The following DOCK7 variants were observed in gnomAD, a reference collection of about 807,000 sequenced individuals.
DOCK7 encodes the protein dedicator of cytokinesis protein 7.
A neutral mutation model predicts 271.0 loss-of-function variants in DOCK7; 138 were observed. The ratio of observed to expected loss-of-function variants is 0.51; its 90% CI spans 0.44 to 0.59. The LOEUF is 0.59. DOCK7 is among the 20% of genes least tolerant of loss of function. The probability of loss-of-function intolerance (pLI) is 0.00; values close to 1 mark genes in which losing one functional copy is unlikely to be tolerated. For synonymous variants in DOCK7, 823 were observed against 876.1 expected (o/e 0.94, Z 1.07); for missense variants, 2,066 against 2,592.4 (o/e 0.80, Z 4.41).
In DOCK7 at chr1:62,495,745, G is replaced by C. The variant is rs1027680130; in HGVS notation, c.4924-64C>G. 8 of 1,275,504 alleles carry C rather than the reference G, an allele frequency of 6.3e-6. No individual in the cohort carries two copies. In the African/African-American group the frequency reaches 1.2e-4, roughly 20 times the overall value. The allele number at this position is 1,275,504 out of a possible 1,614,324, so 79.0% of individuals were successfully genotyped here. A position where few individuals can be genotyped will look rare whatever the true frequency, so the allele number is the denominator to read the frequency against. On this transcript the variant is annotated intron_variant, in intron 38 of 49. Transcript: ENST00000635253. ...TCATTCATCCATAATCACCAAATTA[G>C]TTTCAGAGATATTTCAGATAAATAT...
At chr1:62,503,288 GA>G (rs1264410709) in intron 37 of DOCK7, among the ~76,000 whole-genome samples, 1 of 151,536 alleles carries the variant, frequency 6.6e-6, no homozygotes, top group East Asian at 1.9e-4. Flanking sequence ...TCTGAAAACA[GA>G]ACTACTTCCT....
At chr1:62,685,109 G>A (rs1661581554) in intron 1 of DOCK7, among the ~76,000 whole-genome samples, 1 of 152,192 alleles carries the variant, frequency 6.6e-6, no homozygotes, top group African/African-American at 2.4e-5. Flanking sequence ...GTAAAAAACA[G>A]TTGATACTTA....
chr1:62,561,380 T>C (rs1043347134), intron 19 of DOCK7, among the ~76,000 whole-genome samples: 3 of 152,160 alleles, frequency 2.0e-5, no homozygotes, highest in Non-Finnish European at 4.4e-5. Context: ...AGAAAAAACA[T>C]GAAGTCAATG....
chr1:62,681,616 C>T (rs1301093901), intron 1 of DOCK7, among the ~76,000 whole-genome samples: 1 of 150,936 alleles, frequency 6.6e-6, no homozygotes, highest in East Asian at 1.9e-4. Flanking sequence ...GTGGCTATAC[C>T]CTAGAGAAAC....
chr1:62,675,597 G>A lies in DOCK7; in HGVS notation c.39-12467C>T, dbSNP rs368467732. Among the ~76,000 whole-genome samples the A allele has an allele frequency of 3.2e-3, 488 of 152,066 alleles. 3 individuals carry two copies. The highest frequency in any genetic ancestry group is 0.011 in the African/African-American group (467 of 41,470). On this transcript the variant is annotated intron_variant, in intron 1 of 49. Transcript: ENST00000635253. Reference sequence around the variant, plus strand: ...GGAGATCAGGACCATCCTGGCTAATGTGGTGAAACCCCGTCTCTACTAAAA... The same window carrying A: ...GGAGATCAGGACCATCCTGGCTAATATGGTGAAACCCCGTCTCTACTAAAA...
intron 11 of DOCK7, among the ~76,000 whole-genome samples, chr1:62,630,950 C>T (rs1404382021): frequency 2.0e-5 from 3 of 151,882 alleles, no homozygotes; most frequent in Admixed American, 6.6e-5. Context: ...TTTGGGAGGC[C>T]GAGGCAGGCA....
At chr1:62,674,369 T>C (rs990577712) in intron 1 of DOCK7, among the ~76,000 whole-genome samples, 1 of 152,188 alleles carries the variant, frequency 6.6e-6, no homozygotes, top group African/African-American at 2.4e-5. Flanking sequence ...ATGGCAATTC[T>C]CCCAAACTGA....
intron 30 of DOCK7, among the ~76,000 whole-genome samples, 164 bp downstream of exon 30, chr1:62,529,113 C>T (rs1280474922): frequency 6.6e-6 from 1 of 152,116 alleles, no homozygotes; most frequent in Non-Finnish European, 1.5e-5. Flanking sequence ...AATTCTCTCA[C>T]ACGGTCAAAG....
intron 1 of DOCK7, among the ~76,000 whole-genome samples, chr1:62,672,662 A>C (rs1660144440): frequency 6.6e-6 from 1 of 152,148 alleles, no homozygotes; most frequent in Non-Finnish European, 1.5e-5. Flanking sequence ...ATCAAGAATT[A>C]TGGGTGATTT....
rs377719435 is a variant in DOCK7, at chr1:62,476,049, T to G, written c.5724+18A>C. Reference sequence around the variant, plus strand: ...TCAAAGAGATGTCTATATGTCATTATAGTCGAATCAACTATACCTTGTTAG... The same window carrying G: ...TCAAAGAGATGTCTATATGTCATTAGAGTCGAATCAACTATACCTTGTTAG... On this transcript the variant is annotated intron_variant, in intron 45 of 49. Coordinates refer to ENST00000635253, the MANE Select transcript of DOCK7 (RefSeq NM_001367561.1). 2 of 1,607,320 alleles carry G rather than the reference T, an allele frequency of 1.2e-6. No individual in the cohort carries two copies. The highest frequency in any genetic ancestry group is 1.1e-5 in the South Asian group (1 of 90,608).
At chr1:62,486,605 C>CT (rs1300396533) in intron 43 of DOCK7, 1 of 152,036 alleles carries the variant, frequency 6.6e-6, no homozygotes, top group Non-Finnish European at 1.5e-5. Context: ...TTACATATAA[C>CT]TTTTTGTGAG....
At chr1:62,635,506 C>T (rs1440991437) in intron 8 of DOCK7, 2 of 148,740 alleles carry the variant, frequency 1.3e-5, no homozygotes, top group African/African-American at 5.0e-5. Context: ...CACTACACTC[C>T]AGCCTGGCAA....
chr1:62,471,694 T>C (rs1354247606), intron 48 of DOCK7, among the ~76,000 whole-genome samples: 1 of 152,198 alleles, frequency 6.6e-6, no homozygotes, highest in Non-Finnish European at 1.5e-5. Flanking sequence ...CTCAGTCATC[T>C]CATGCTGGAA....
intron 7 of DOCK7, among the ~76,000 whole-genome samples, chr1:62,646,618 G>A (rs1233987844): frequency 6.6e-6 from 1 of 152,212 alleles, no homozygotes; most frequent in Admixed American, 6.5e-5. Context: ...GCAGCCATCT[G>A]CAAGCCAGAG....
chr1:62,605,015 C>G, intron 14 of DOCK7: 1 of 556,060 alleles, frequency 1.8e-6, no homozygotes, highest in Non-Finnish European at 3.1e-6. Flanking sequence ...AATCAAAATT[C>G]TTATAATACT....
At chr1:62,463,485 T>C (rs1007740842) in intron 48 of DOCK7, among the ~76,000 whole-genome samples, 1 of 152,152 alleles carries the variant, frequency 6.6e-6, no homozygotes. Flanking sequence ...CTCTTGTACA[T>C]GTATGTCCAG....
chr1:62,589,077 G>A (rs1333034707), intron 14 of DOCK7, among the ~76,000 whole-genome samples: 5 of 152,112 alleles, frequency 3.3e-5, no homozygotes, highest in African/African-American at 1.2e-4. Flanking sequence ...GTTGCCAAAC[G>A]GTAATATCCT....
At chr1:62,562,346 C>T (rs934186011) in intron 18 of DOCK7, among the ~76,000 whole-genome samples, 2 of 148,696 alleles carry the variant, frequency 1.3e-5, no homozygotes, top group South Asian at 2.1e-4. Context: ...ATTCTCCTGC[C>T]TCAGCCTCCC....
intron 18 of DOCK7, among the ~76,000 whole-genome samples, chr1:62,571,429 T>C (rs544068633): frequency 5.3e-5 from 8 of 152,266 alleles, no homozygotes; most frequent in Non-Finnish European, 1.2e-4. Flanking sequence ...TGTAGAGAGA[T>C]AGGAACACTT....
Sources: allele counts gnomAD v4.1 joint callset (sites outside exome capture counted in the v4.1 genomes callset), GRCh38; gene constraint gnomAD v4.1.1; transcripts MANE v1.5; gene names NCBI Gene and HGNC (gene_info 2026-07-23, HGNC 2026-07-21).